FRMD6: variants seen among roughly 807,000 people sequenced by gnomAD.
FRMD6 encodes FERM domain-containing protein 6.
Under a neutral mutation model 73.2 loss-of-function variants are expected in FRMD6, and 37 were observed. That is an observed-to-expected ratio of 0.51 (90% CI 0.39 to 0.66). FRMD6 has a LOEUF of 0.66. Among genes scored for constraint, FRMD6 ranks in the 30% least tolerant of loss-of-function variants. FRMD6 has a pLI of 0.00. For missense variants in FRMD6, 714 were observed against 780.5 expected, an observed-to-expected ratio of 0.91 and a Z score of 1.02; for synonymous variants, 273 against 282.2, an observed-to-expected ratio of 0.97 and a Z score of 0.33.
rs1054519964 is a variant in FRMD6, at chr14:51,566,208, A to G, written c.-209-4140A>G. Among the ~76,000 whole-genome samples the G allele has an allele frequency of 2.6e-4, 39 of 152,236 alleles. 1 individual carries two copies. Among genetic ancestry groups the G allele is most frequent in the African/African-American group, 9.4e-4 (39 of 41,468 alleles). ...CTAAAGAAATGTATGCATTTAGGAT[A>G]GTCAAATGAACAAAGGAATGACCAT... On this transcript the variant is annotated intron_variant, in intron 1 of 14. Coordinates refer to the FRMD6 transcript ENST00000356218.
the FRMD6 span, among the ~76,000 whole-genome samples, chr14:51,462,345 G>A: frequency 2.2e-4 from 33 of 152,284 alleles, no homozygotes; most frequent in South Asian, 4.2e-3. Flanking sequence ...GTGGATGTAT[G>A]GGAGATGCTG....
At chr14:51,511,025 T>C (rs1202387351) in intron 1 of FRMD6, among the ~76,000 whole-genome samples, 1 of 152,050 alleles carries the variant, frequency 6.6e-6, no homozygotes, top group East Asian at 1.9e-4. Flanking sequence ...GTGAAGCTTG[T>C]AGGGCTGCTT....
intron 2 of FRMD6, among the ~76,000 whole-genome samples, chr14:51,610,538 T>G (rs1389770026): frequency 1.3e-5 from 2 of 152,042 alleles, no homozygotes; most frequent in Non-Finnish European, 2.9e-5. Context: ...TGGGAAAAGA[T>G]TAGAACCAGG....
intron 2 of FRMD6, among the ~76,000 whole-genome samples, chr14:51,589,124 A>G (rs1228983868): frequency 6.6e-6 from 1 of 152,212 alleles, no homozygotes; most frequent in East Asian, 1.9e-4. Flanking sequence ...CTACCTGCTC[A>G]CATTCTACCT....
At chr14:51,609,797 T>C (rs1890415077) in intron 2 of FRMD6, among the ~76,000 whole-genome samples, 1 of 152,164 alleles carries the variant, frequency 6.6e-6, no homozygotes, top group African/African-American at 2.4e-5. Flanking sequence ...GGTTTTGTGT[T>C]TGTGGTTCTT....
At position 51,723,018 on chromosome 14, in the gene FRMD6, C is replaced by T. The variant is rs79573504; in HGVS notation, c.1492+938C>T. On this transcript the variant is annotated intron_variant, in intron 12 of 13. Coordinates refer to ENST00000344768, the MANE Select transcript of FRMD6 (RefSeq NM_001267046.2). ...AGGAGGCATCTTTTATTTCAGAATTCTGTTCGCTAACCCAACAGAACCCTG... is the reference window on the plus strand; with the variant it reads ...AGGAGGCATCTTTTATTTCAGAATTTTGTTCGCTAACCCAACAGAACCCTG... Among the ~76,000 whole-genome samples the T allele has an allele frequency of 4.3e-3, 648 of 152,324 alleles. 5 individuals carry two copies. Among genetic ancestry groups the T allele is most frequent in the African/African-American group, 0.015 (609 of 41,568 alleles).
In FRMD6 at chr14:51,602,343, G is replaced by A. The variant is rs533170803; in HGVS notation, c.-147+31933G>A. On this transcript the variant is annotated intron_variant, in intron 2 of 14. Coordinates refer to the FRMD6 transcript ENST00000356218. ...ATTCTCACAATCCTATAACTTTGTG[G>A]CTAGAAACAGATGTAGGCTTATGTC... 5.9e-5 allele frequency among the ~76,000 whole-genome samples: 9 copies of A among 152,248 alleles called. No individual in the cohort carries two copies. In the South Asian group the frequency reaches 1.9e-3, roughly 32 times the overall value.
chr14:51,511,939 G>A (rs1884337212), intron 1 of FRMD6, among the ~76,000 whole-genome samples: 1 of 151,866 alleles, frequency 6.6e-6, no homozygotes, highest in South Asian at 2.1e-4. Context: ...CAGAGCTAGG[G>A]TTAATATAAT....
Position 51,715,379 on chromosome 14 carries a change from TAC to T in FRMD6, c.905_906del (p.Tyr302LeufsTer51). ...CTTGCCTTCTGCCCGGAAGCTCATA[TAC>T]TACACGGGGTGCCCCATGCGCTCCA... Reference protein sequence around the residue: ...DGLPSARKLIYYTGCPMRSRH... With the variant: ...DGLPSARKLIXYTGCPMRSRH... On this transcript the variant is annotated frameshift_variant, in exon 10 of 14. Transcript: ENST00000344768. LOFTEE classifies it high-confidence loss of function. 1 of 1,612,704 alleles carries T rather than the reference TAC, an allele frequency of 6.2e-7. No individual in the cohort carries two copies.
At chr14:51,583,603 C>G (rs1254199279) in intron 2 of FRMD6, among the ~76,000 whole-genome samples, 3 of 152,186 alleles carry the variant, frequency 2.0e-5, no homozygotes, top group Non-Finnish European at 2.9e-5. Context: ...GCCACTCTTA[C>G]AATCCATTTT....
At chr14:51,706,113 G>A (rs745305801) in intron 6 of FRMD6, among the ~76,000 whole-genome samples, 14 of 151,990 alleles carry the variant, frequency 9.2e-5, no homozygotes, top group Non-Finnish European at 1.6e-4. Flanking sequence ...GGAGTCATAC[G>A]GAACTCTGCC....
the FRMD6 span, among the ~76,000 whole-genome samples, chr14:51,452,468 T>A: frequency 2.6e-5 from 4 of 152,148 alleles, no homozygotes; most frequent in African/African-American, 9.7e-5. Context: ...AAGTTTGGGA[T>A]GTTGAGGAGA....
chr14:51,652,873 C>T (rs1485415790), intron 1 of FRMD6, among the ~76,000 whole-genome samples: 1 of 152,174 alleles, frequency 6.6e-6, no homozygotes, highest in East Asian at 1.9e-4. Flanking sequence ...ACAGCATAAC[C>T]TAATGGTGCG....
At chr14:51,727,687 A>G in intron 13 of FRMD6, 58 bp from the exon 14 acceptor site, 4 of 1,494,830 alleles carry the variant, frequency 2.7e-6, no homozygotes, top group Admixed American at 3.9e-5. Context: ...CTCTCTTTAC[A>G]AGGCAAATAT....
intron 2 of FRMD6, among the ~76,000 whole-genome samples, chr14:51,636,449 C>CCTTT (rs1160417985): frequency 1.3e-5 from 2 of 152,124 alleles, no homozygotes; most frequent in Non-Finnish European, 2.9e-5. Context: ...AAGTTCTATT[C>CCTTT]CTTTCTGCCA....
chr14:51,522,373 G>C (rs1384755526), intron 1 of FRMD6, among the ~76,000 whole-genome samples: 1 of 152,012 alleles, frequency 6.6e-6, no homozygotes, highest in Non-Finnish European at 1.5e-5. Context: ...GAAGAACAGG[G>C]GCACGGGTAA....
chr14:51,428,927 G>GGA, the FRMD6 span, among the ~76,000 whole-genome samples: 2 of 149,284 alleles, frequency 1.3e-5, no homozygotes, highest in East Asian at 4.0e-4. Flanking sequence ...AGAGAGAGGG[G>GGA]GAGAGAGAGA....
the FRMD6 span, among the ~76,000 whole-genome samples, chr14:51,450,921 G>A: frequency 6.6e-6 from 1 of 152,192 alleles, no homozygotes; most frequent in East Asian, 1.9e-4. Flanking sequence ...GGAAAAGACT[G>A]ACCTGTAAGG....
chr14:51,600,907 T>A (rs1890000680), intron 2 of FRMD6, among the ~76,000 whole-genome samples: 1 of 152,244 alleles, frequency 6.6e-6, no homozygotes, highest in Non-Finnish European at 1.5e-5. Context: ...CAGTTGCCCA[T>A]AGCCTGGGTT....
Sources: allele counts gnomAD v4.1 joint callset (sites outside exome capture counted in the v4.1 genomes callset), GRCh38; gene constraint gnomAD v4.1.1; transcripts MANE v1.5; gene names NCBI Gene and HGNC (gene_info 2026-07-23, HGNC 2026-07-21).